FHIT: variants seen among roughly 807,000 people sequenced by gnomAD.
FHIT encodes the protein bis(5'-adenosyl)-triphosphatase.
In FHIT, 19 loss-of-function variants were observed where a neutral mutation model predicts 17.9. That is an observed-to-expected ratio of 1.06 (90% CI 0.74 to 1.56). The LOEUF (loss-of-function observed/expected upper bound fraction) is 1.56, where lower values mean the gene tolerates loss of function less well. Among genes scored for constraint, FHIT ranks in the 40% most tolerant of loss-of-function variants. The pLI, the probability that FHIT is intolerant of heterozygous loss-of-function variation, is 0.00. For missense variants in FHIT, 248 were observed against 189.2 expected, an observed-to-expected ratio of 1.31 and a Z score of -1.82; for synonymous variants, 81 against 69.7, an observed-to-expected ratio of 1.16 and a Z score of -0.81.
At chr3:60,100,218 C>G (rs974158171) in intron 5 of FHIT, among the ~76,000 whole-genome samples, 2 of 152,060 alleles carry the variant, frequency 1.3e-5, no homozygotes, top group African/African-American at 4.8e-5. Context: ...AACCCCGTCT[C>G]TACTAAAAAT....
At chr3:59,866,680 A>G (rs1195435298) in intron 8 of FHIT, among the ~76,000 whole-genome samples, 1 of 152,170 alleles carries the variant, frequency 6.6e-6, no homozygotes, top group East Asian at 1.9e-4. Flanking sequence ...GAAATCACTA[A>G]CCAGAATTTG....
chr3:60,925,076 C>T lies in FHIT; in HGVS notation c.-110-103065G>A, dbSNP rs542885852. 3.3e-5 allele frequency among the ~76,000 whole-genome samples: 5 copies of T among 152,186 alleles called. No homozygotes were observed. In the East Asian group the frequency reaches 9.6e-4, roughly 29 times the overall value. On this transcript the variant is annotated intron_variant, in intron 3 of 9. Coordinates refer to ENST00000492590, the MANE Select transcript of FHIT (RefSeq NM_002012.4). ...GGACTATGTGAAAAGACCAAATCTA[C>T]ATCTGACTGATGTACCTGAAAGTGA...
intron 5 of FHIT, among the ~76,000 whole-genome samples, chr3:60,127,108 C>A (rs1239325694): frequency 1.3e-5 from 2 of 152,148 alleles, no homozygotes; most frequent in Non-Finnish European, 2.9e-5. Context: ...TGTGCAATCT[C>A]CCAATTACAC....
intron 4 of FHIT, among the ~76,000 whole-genome samples, chr3:60,590,230 C>T (rs1443810767): frequency 2.6e-5 from 4 of 152,004 alleles, no homozygotes; most frequent in African/African-American, 4.8e-5. Flanking sequence ...GATCAGACCA[C>T]CTTGGCGGAC....
chr3:60,665,473 T>C (rs2040359288), intron 4 of FHIT, among the ~76,000 whole-genome samples: 1 of 152,060 alleles, frequency 6.6e-6, no homozygotes, highest in Admixed American at 6.5e-5. Flanking sequence ...GGTATGTACA[T>C]AAGATCATTT....
intron 2 of FHIT, among the ~76,000 whole-genome samples, chr3:61,199,233 C>A (rs2106665629): frequency 1.3e-5 from 2 of 152,244 alleles, no homozygotes; most frequent in East Asian, 3.9e-4. Flanking sequence ...TGTGTGGAAA[C>A]ATTCCCCAAG....
intron 7 of FHIT, among the ~76,000 whole-genome samples, chr3:59,941,903 G>A (rs1378145715): frequency 6.6e-6 from 1 of 152,184 alleles, no homozygotes; most frequent in Non-Finnish European, 1.5e-5. Context: ...CTGTGAACTG[G>A]AAATGTGTTA....
chr3:61,188,628 A>T (rs1161201185), intron 2 of FHIT, among the ~76,000 whole-genome samples: 2 of 152,188 alleles, frequency 1.3e-5, no homozygotes, highest in African/African-American at 4.8e-5. Context: ...AGACACAACA[A>T]AAAAAGAGAA....
chr3:59,992,211 T>C lies in FHIT; in HGVS notation c.279+19160A>G, dbSNP rs377669244. ...TAGTACTATTACTCATTGCCACACA[T>C]TGTTACTTTAAACCTAACCAAATGA... On this transcript the variant is annotated intron_variant, in intron 7 of 9. Transcript: ENST00000492590. 3.3e-5 allele frequency among the ~76,000 whole-genome samples: 5 copies of C among 152,126 alleles called. No homozygotes were observed. The East Asian group carries it at 5.8e-4, about 18-fold the overall frequency.
At chr3:60,280,354 T>TAACTTTTAA (rs1229034593) in intron 5 of FHIT, among the ~76,000 whole-genome samples, 3 of 152,194 alleles carry the variant, frequency 2.0e-5, no homozygotes, top group Admixed American at 6.5e-5. Context: ...TATCAGGTCT[T>TAACTTTTAA]AACTTTTAAA....
At chr3:60,347,412 G>A (rs1369007919) in intron 5 of FHIT, among the ~76,000 whole-genome samples, 1 of 152,054 alleles carries the variant, frequency 6.6e-6, no homozygotes, top group Non-Finnish European at 1.5e-5. Flanking sequence ...TTTCAAGTAA[G>A]TTAAGAGACA....
At chr3:59,809,943 C>G (rs1700349493) in intron 8 of FHIT, among the ~76,000 whole-genome samples, 1 of 152,082 alleles carries the variant, frequency 6.6e-6, no homozygotes, top group Non-Finnish European at 1.5e-5. Context: ...TAATTTTTAT[C>G]ACATTATATG....
At chr3:60,532,229 T>G (rs572487192) in intron 5 of FHIT, among the ~76,000 whole-genome samples, 11 of 152,348 alleles carry the variant, frequency 7.2e-5, no homozygotes, top group African/African-American at 2.6e-4. Flanking sequence ...CTCCCTCATG[T>G]TGCAGCTCCT....
intron 4 of FHIT, among the ~76,000 whole-genome samples, chr3:60,649,212 A>T (rs947812064): frequency 1.3e-5 from 2 of 152,078 alleles, no homozygotes; most frequent in Non-Finnish European, 2.9e-5. Flanking sequence ...TCTGGCTAAC[A>T]CGGTGAAACC....
At chr3:60,004,404 A>T (rs997678317) in intron 7 of FHIT, among the ~76,000 whole-genome samples, 2 of 152,180 alleles carry the variant, frequency 1.3e-5, no homozygotes, top group Non-Finnish European at 2.9e-5. Context: ...TACTAATGAA[A>T]AATTAAACAC....
intron 5 of FHIT, among the ~76,000 whole-genome samples, chr3:60,485,629 A>G (rs1363700803): frequency 1.3e-5 from 2 of 151,792 alleles, no homozygotes; most frequent in Non-Finnish European, 2.9e-5. Flanking sequence ...AGGGAGGGGA[A>G]CAACACACAC....
intron 5 of FHIT, among the ~76,000 whole-genome samples, chr3:60,434,680 T>G (rs1320244616): frequency 1.3e-5 from 2 of 152,178 alleles, no homozygotes; most frequent in African/African-American, 4.8e-5. Context: ...GTACTAGTGT[T>G]ACCGTAGATA....
chr3:60,894,245 C>A (rs1476205837), intron 3 of FHIT, among the ~76,000 whole-genome samples: 1 of 152,170 alleles, frequency 6.6e-6, no homozygotes, highest in Non-Finnish European at 1.5e-5. Flanking sequence ...TAAACGTTAA[C>A]ATACATTAGT....
chr3:60,789,066 AATATATAC>A (rs1700679972), intron 4 of FHIT, among the ~76,000 whole-genome samples: 1 of 151,448 alleles, frequency 6.6e-6, no homozygotes, highest in Non-Finnish European at 1.5e-5. Flanking sequence ...GTTGAAAAAA[AATATATAC>A]ATATATAGAG....
Sources: allele counts gnomAD v4.1 joint callset (sites outside exome capture counted in the v4.1 genomes callset), GRCh38; gene constraint gnomAD v4.1.1; transcripts MANE v1.5; gene names NCBI Gene and HGNC (gene_info 2026-07-23, HGNC 2026-07-21).